Variants in MIA2 observed in about 807,000 individuals in gnomAD.
The protein encoded by MIA2 is melanoma inhibitory activity protein 2.
A neutral mutation model predicts 167.8 loss-of-function variants in MIA2; 127 were observed. The ratio of observed to expected loss-of-function variants is 0.76; its 90% CI spans 0.66 to 0.88. The LOEUF is 0.88. MIA2 is among the 40% of genes least tolerant of loss of function. MIA2 has a pLI of 0.00. For missense variants in MIA2, 1,690 were observed against 1,624.7 expected (o/e 1.04, Z -0.69); for synonymous variants, 552 against 541.9 (o/e 1.02, Z -0.26).
intron 7 of MIA2, among the ~76,000 whole-genome samples, chr14:39,277,342 A>T (rs1186479705): frequency 6.6e-6 from 1 of 151,762 alleles, no homozygotes; most frequent in African/African-American, 2.4e-5. Flanking sequence ...CCTGGGCAAC[A>T]CGGTGAGACC....
intron 6 of MIA2, among the ~76,000 whole-genome samples, chr14:39,273,213 G>A (rs897794723): frequency 7.1e-6 from 1 of 141,640 alleles, no homozygotes; most frequent in East Asian, 2.0e-4. Flanking sequence ...GGACATTATT[G>A]TTCCTGATCT....
intron 22 of MIA2, among the ~76,000 whole-genome samples, chr14:39,318,362 A>T (rs2065863457): frequency 6.6e-6 from 1 of 152,192 alleles, no homozygotes; most frequent in African/African-American, 2.4e-5. Flanking sequence ...ATGGATAAGT[A>T]GATAGGATAA....
intron 3 of MIA2, among the ~76,000 whole-genome samples, chr14:39,242,897 C>T (rs61998509): frequency 0.069 from 10,367 of 151,076 alleles, 452 homozygotes; most frequent in South Asian, 0.18. Context: ...CTGAGATGGG[C>T]GGATCACTTG....
chr14:39,266,519 G>A, intron 6 of MIA2: 2 of 985,506 alleles, frequency 2.0e-6, no homozygotes, highest in Non-Finnish European at 2.4e-6. Context: ...AAGTGCCCAG[G>A]TGACTCAGGT....
rs2054638779 is a variant in MIA2, at chr14:39,252,784, A to G, written c.1604A>G (p.His535Arg). ...AACATAGAGTTACCTACGAGAATTCACGAAGAAGTATATTTTGAACCCTCA... is the reference window on the plus strand; with the variant it reads ...AACATAGAGTTACCTACGAGAATTCGCGAAGAAGTATATTTTGAACCCTCA... ...VSNIELPTRI[H>R]EEVYFEPSSS... The change falls in exon 5 of 29, where the codon CAC becomes CGC. Residue 535 changes from histidine to arginine, a missense_variant. By Grantham distance (29) the His-to-Arg change is conservative. Transcript: ENST00000640607. The G allele has an allele frequency of 5.6e-6, 9 of 1,613,550 alleles. No homozygotes were observed. In the East Asian group the frequency reaches 1.6e-4, roughly 28 times the overall value.
Position 39,315,604 on chromosome 14 carries a change from A to G in MIA2, c.3181-79A>G, listed in dbSNP as rs188677843. ...TTGGGATAGTTTTGAGTTGTGCACTACATCATAGTGGTAGATGTGAATGTT... is the reference window on the plus strand; with the variant it reads ...TTGGGATAGTTTTGAGTTGTGCACTGCATCATAGTGGTAGATGTGAATGTT... On this transcript the variant is annotated intron_variant, in intron 20 of 28. Transcript: ENST00000640607. 236 of 1,105,148 alleles carry G rather than the reference A, an allele frequency of 2.1e-4. 1 individual carries two copies. The African/African-American group carries it at 3.1e-3, about 14-fold the overall frequency. The allele number at this position is 1,105,148 out of a possible 1,614,324, so 68.5% of individuals were successfully genotyped here.
At chr14:39,275,784 T>A (rs914379876) in intron 6 of MIA2, among the ~76,000 whole-genome samples, 1 of 152,216 alleles carries the variant, frequency 6.6e-6, no homozygotes, top group African/African-American at 2.4e-5. Flanking sequence ...TGATATTAGA[T>A]TTCTGCGAAC....
At chr14:39,318,130 T>C (rs2065823013) in intron 22 of MIA2, 119 bp downstream of exon 22, 1 of 687,360 alleles carries the variant, frequency 1.5e-6, no homozygotes, top group South Asian at 1.9e-5. Flanking sequence ...TTGTGAGATA[T>C]CTATTAGTTT....
chr14:39,308,399 T>C (rs780270173), intron 17 of MIA2, 50 bp from the exon 18 acceptor site: 2 of 1,161,040 alleles, frequency 1.7e-6, no homozygotes, highest in African/African-American at 1.6e-5. Flanking sequence ...AATGTTAATA[T>C]GCAACTCAAA....
At chr14:39,358,145 T>C (rs1266903402) in intron 23 of MIA2, among the ~76,000 whole-genome samples, 1 of 152,216 alleles carries the variant, frequency 6.6e-6, no homozygotes, top group African/African-American at 2.4e-5. Context: ...TCCTGCAGAG[T>C]GTTTTCCAAC....
At chr14:39,307,526 C>T (rs2063553443) in intron 17 of MIA2, among the ~76,000 whole-genome samples, 1 of 149,116 alleles carries the variant, frequency 6.7e-6, no homozygotes, top group South Asian at 2.1e-4. Context: ...CTCAGCCTCC[C>T]AAGTAGCTGG....
intron 6 of MIA2, among the ~76,000 whole-genome samples, chr14:39,255,481 C>T (rs946722371): frequency 2.0e-5 from 3 of 152,300 alleles, no homozygotes; most frequent in Admixed American, 1.3e-4. Context: ...GCACTCCAGC[C>T]TGGGCCATAG....
intron 19 of MIA2, among the ~76,000 whole-genome samples, chr14:39,314,400 ATGACC>A (rs2064942161): frequency 6.6e-6 from 1 of 150,842 alleles, no homozygotes; most frequent in Non-Finnish European, 1.5e-5. Flanking sequence ...AAAAAAAAAA[ATGACC>A]AACATCTGAA....
chr14:39,302,498 A>G (rs2152888474), intron 15 of MIA2, among the ~76,000 whole-genome samples: 1 of 152,184 alleles, frequency 6.6e-6, no homozygotes, highest in East Asian at 1.9e-4. Flanking sequence ...TGTGTATTAT[A>G]CATATCTTTA....
rs1240663194 is a variant in MIA2 at position 39,313,535 on chromosome 14, AAAC to A, written c.3119+96_3119+98del. The stretch of plus-strand genomic sequence containing the variant: ...AAATAATAAATCAAATGAAAATAGA[AAAC>A]ATTTTAAAATCTGACAGGTGGTACA... On this transcript the variant is annotated intron_variant, in intron 19 of 28. Transcript: ENST00000640607. 5.8e-6 allele frequency: 4 copies of A among 689,256 alleles called. 1 individual carries two copies. In the African/African-American group the frequency reaches 7.6e-5, roughly 13 times the overall value. The allele number at this position is 689,256 out of a possible 1,614,324, so 42.7% of individuals were successfully genotyped here. A position where few individuals can be genotyped will look rare whatever the true frequency, so the allele number is the denominator to read the frequency against.
chr14:39,236,033 C>T (rs368070598), intron 1 of MIA2, among the ~76,000 whole-genome samples: 11 of 151,876 alleles, frequency 7.2e-5, no homozygotes, highest in Admixed American at 3.3e-4. Context: ...GGCTGTGATT[C>T]GTTCATAGTT....
chr14:39,374,863 G>A (rs1296028966), intron 23 of MIA2, among the ~76,000 whole-genome samples: 1 of 152,222 alleles, frequency 6.6e-6, no homozygotes, highest in Non-Finnish European at 1.5e-5. Flanking sequence ...ATCCTGTGAA[G>A]GAGTTAAGGC....
intron 23 of MIA2, chr14:39,386,037 C>T (rs1345936853): frequency 1.6e-5 from 18 of 1,100,306 alleles, no homozygotes; most frequent in Admixed American, 1.8e-5. Flanking sequence ...ACTCTGGGCC[C>T]GGACAACCTC....
chr14:39,366,093 G>C (rs2074816890), intron 23 of MIA2, among the ~76,000 whole-genome samples: 1 of 152,174 alleles, frequency 6.6e-6, no homozygotes, highest in Admixed American at 6.5e-5. Context: ...ACTTTAAGCA[G>C]CTTCAGTGGT....
Sources: gnomAD v4.1 joint callset for allele counts (sites outside exome capture counted in the v4.1 genomes callset) on GRCh38, gnomAD v4.1.1 for gene constraint, MANE v1.5 for transcripts, NCBI Gene and HGNC (gene_info 2026-07-23, HGNC 2026-07-21) for gene names.